RYR2: variants seen among roughly 807,000 people sequenced by gnomAD.
RYR2 encodes the protein ryanodine receptor 2.
In RYR2, 227 loss-of-function variants were observed where a neutral mutation model predicts 601.1. That is an observed-to-expected ratio of 0.38 (90% CI 0.34 to 0.42). The LOEUF is 0.42. RYR2 is among the 10% of genes least tolerant of loss of function. The pLI, the probability that RYR2 is intolerant of heterozygous loss-of-function variation, is 1.00. For synonymous variants in RYR2, 2,223 were observed against 2,175.1 expected (o/e 1.02, Z -0.61); for missense variants, 4,646 against 6,156.5 (o/e 0.75, Z 8.21).
At chr1:237,577,890 C>T (rs1018832103) in intron 29 of RYR2, among the ~76,000 whole-genome samples, 2 of 152,166 alleles carry the variant, frequency 1.3e-5, no homozygotes, top group Non-Finnish European at 2.9e-5. Context: ...GCAACCTCTA[C>T]CTCCCGGGTT....
intron 1 of RYR2, among the ~76,000 whole-genome samples, chr1:237,210,270 C>T (rs1263322959): frequency 6.6e-6 from 1 of 152,166 alleles, no homozygotes; most frequent in Non-Finnish European, 1.5e-5. Context: ...TAGTACATTT[C>T]TCTTCCGATA....
chr1:237,433,172 C>T (rs547686489), intron 12 of RYR2, among the ~76,000 whole-genome samples: 1 of 151,842 alleles, frequency 6.6e-6, no homozygotes, highest in African/African-American at 2.4e-5. Context: ...AATCCAGCTA[C>T]AAGGTACAGA....
intron 10 of RYR2, among the ~76,000 whole-genome samples, chr1:237,412,378 T>C (rs1300707083): frequency 6.6e-6 from 1 of 152,176 alleles, no homozygotes; most frequent in African/African-American, 2.4e-5. Context: ...TGGGATAATG[T>C]GTTATGTAGG....
Position 237,649,945 on chromosome 1 carries a change from G to A in RYR2, c.7581G>A (p.Leu2527=), listed in dbSNP as rs1328285136. 2 of 1,613,794 alleles carry A rather than the reference G, an allele frequency of 1.2e-6. No homozygotes were observed. Among genetic ancestry groups the A allele is most frequent in the South Asian group, 2.2e-5 (2 of 91,064 alleles). Residue 2527 remains leucine (L), a synonymous_variant, in exon 50 of 105, where the codon TTG becomes TTA. Coordinates refer to ENST00000366574, the MANE Select transcript of RYR2 (RefSeq NM_001035.3). ...ACCTTTGCACAGCCGTCTTGCCATT[G>A]TTAACAAGATGTGCTCCTCTCTTTG... is the stretch of plus-strand genomic sequence containing the variant. ...NRYLCTAVLP[L]LTRCAPLFAG... is the part of the protein sequence containing the mutation.
At chr1:237,359,027 C>T (rs1379391335) in intron 4 of RYR2, among the ~76,000 whole-genome samples, 3 of 152,172 alleles carry the variant, frequency 2.0e-5, no homozygotes, top group East Asian at 1.9e-4. Context: ...TGTTTTGGGA[C>T]GTGATAGTAC....
chr1:237,230,502 C>G (rs1684871346), intron 1 of RYR2, among the ~76,000 whole-genome samples: 1 of 151,980 alleles, frequency 6.6e-6, no homozygotes, highest in African/African-American at 2.4e-5. Flanking sequence ...GTAGAGACAG[C>G]TTTTGTAGTA....
chr1:237,306,642 T>C (rs1693896479), intron 2 of RYR2, among the ~76,000 whole-genome samples: 1 of 152,214 alleles, frequency 6.6e-6, no homozygotes, highest in Admixed American at 6.5e-5. Flanking sequence ...TTGACTTTTT[T>C]CGTGTGGGTT....
chr1:237,755,471 G>A (rs1692872645), intron 80 of RYR2, among the ~76,000 whole-genome samples: 1 of 152,108 alleles, frequency 6.6e-6, no homozygotes, highest in African/African-American at 2.4e-5. Context: ...ACTGTCATAG[G>A]GCTCTATGCA....
intron 2 of RYR2, among the ~76,000 whole-genome samples, chr1:237,303,882 T>C (rs1177512882): frequency 6.6e-6 from 1 of 152,216 alleles, no homozygotes; most frequent in Admixed American, 6.5e-5. Context: ...AAATACATTT[T>C]ATCCAACTGG....
At chr1:237,604,990 G>A (rs1255972353) in intron 35 of RYR2, among the ~76,000 whole-genome samples, 1 of 151,984 alleles carries the variant, frequency 6.6e-6, no homozygotes, top group African/African-American at 2.4e-5. Context: ...TTCTACCAGA[G>A]GTACAAGGAG....
chr1:237,536,706 T>C (rs2490928), intron 25 of RYR2, among the ~76,000 whole-genome samples: 92,935 of 118,540 alleles, frequency 0.78, 35,572 homozygotes, highest in East Asian at 0.93. Context: ...CAGAGCGAGA[T>C]TCCGTCTCAA....
At chr1:237,372,416 A>G (rs1366051997) in intron 6 of RYR2, among the ~76,000 whole-genome samples, 1 of 152,224 alleles carries the variant, frequency 6.6e-6, no homozygotes, top group Non-Finnish European at 1.5e-5. Context: ...TAATTGTGAA[A>G]TGCTGAAGCC....
chr1:237,648,926 G>A (rs1459417207), intron 49 of RYR2, among the ~76,000 whole-genome samples: 1 of 152,190 alleles, frequency 6.6e-6, no homozygotes, highest in East Asian at 1.9e-4. Flanking sequence ...AGTGACTCCT[G>A]TTAACCTCTG....
At chr1:237,532,075 T>C (rs1355264472) in intron 25 of RYR2, among the ~76,000 whole-genome samples, 1 of 152,154 alleles carries the variant, frequency 6.6e-6, no homozygotes, top group Non-Finnish European at 1.5e-5. Context: ...TTAATTGTTT[T>C]TGTTTTCTGC....
At chr1:237,548,129 A>G (rs1670011537) in intron 25 of RYR2, among the ~76,000 whole-genome samples, 1 of 152,214 alleles carries the variant, frequency 6.6e-6, no homozygotes. Flanking sequence ...AGACTATACA[A>G]AAGCCTCAGC....
At chr1:237,281,488 C>T (rs1363738252) in intron 2 of RYR2, among the ~76,000 whole-genome samples, 2 of 152,182 alleles carry the variant, frequency 1.3e-5, no homozygotes, top group Non-Finnish European at 2.9e-5. Flanking sequence ...TGGAAAAAAC[C>T]TACCTGGAGT....
At chr1:237,300,935 C>A (rs1693285681) in intron 2 of RYR2, among the ~76,000 whole-genome samples, 1 of 151,970 alleles carries the variant, frequency 6.6e-6, no homozygotes. Flanking sequence ...AAGTGAATTT[C>A]ATGGAAAAGC....
chr1:237,567,506 C>T (rs1672215348), intron 28 of RYR2, among the ~76,000 whole-genome samples: 1 of 151,570 alleles, frequency 6.6e-6, no homozygotes, highest in Admixed American at 6.6e-5. Context: ...GAGAGGATTG[C>T]TTGAGCTCGG....
At chr1:237,645,128 T>A (rs1681994210) in intron 48 of RYR2, among the ~76,000 whole-genome samples, 1 of 152,156 alleles carries the variant, frequency 6.6e-6, no homozygotes, top group Non-Finnish European at 1.5e-5. Context: ...AGGCAGGCTA[T>A]AATAGCTCAA....
Sources: gnomAD v4.1 joint callset for allele counts (sites outside exome capture counted in the v4.1 genomes callset) on GRCh38, gnomAD v4.1.1 for gene constraint, MANE v1.5 for transcripts, NCBI Gene and HGNC (gene_info 2026-07-23, HGNC 2026-07-21) for gene names.